Variants in SAMD5 observed in about 807,000 individuals in gnomAD.
SAMD5 encodes sterile alpha motif domain-containing protein 5.
In SAMD5, 13 loss-of-function variants were observed where a neutral mutation model predicts 11.3. The ratio of observed to expected loss-of-function variants is 1.15; its 90% CI spans 0.75 to 1.83. The LOEUF (loss-of-function observed/expected upper bound fraction) is 1.83. SAMD5 is among the 40% of genes most tolerant of loss of function. The pLI, the probability that SAMD5 is intolerant of heterozygous loss-of-function variation, is 0.00. For synonymous variants in SAMD5, 129 were observed against 111.3 expected (o/e 1.16, Z -1.00); for missense variants, 255 against 239.1 (o/e 1.07, Z -0.44).
chr6:147,816,301 A>ATATATATATATAT, the SAMD5 span, among the ~76,000 whole-genome samples: 15 of 66,328 alleles, frequency 2.3e-4, no homozygotes, highest in African/African-American at 4.1e-4. Flanking sequence ...AAAAAAAAAA[A>ATATATATATATAT]ATATATATAT....
the SAMD5 span, among the ~76,000 whole-genome samples, chr6:147,762,395 C>A: frequency 6.6e-6 from 1 of 151,954 alleles, no homozygotes; most frequent in Non-Finnish European, 1.5e-5. Context: ...GACGGGGTGT[C>A]ACCATGTTGG....
the SAMD5 span, among the ~76,000 whole-genome samples, chr6:147,844,281 A>G: frequency 6.6e-6 from 1 of 152,342 alleles, no homozygotes; most frequent in East Asian, 1.9e-4. Context: ...TGCAAATTCA[A>G]ACCACAATTA....
intron 1 of SAMD5, among the ~76,000 whole-genome samples, chr6:147,655,604 C>T (rs1467770813): frequency 6.6e-6 from 1 of 152,054 alleles, no homozygotes; most frequent in African/African-American, 2.4e-5. Context: ...TTATAGGTGG[C>T]ACGACAAATG....
intron 1 of SAMD5, among the ~76,000 whole-genome samples, chr6:147,554,893 CA>C (rs1459367410): frequency 6.6e-6 from 1 of 152,124 alleles, no homozygotes; most frequent in Non-Finnish European, 1.5e-5. Context: ...AAGGCCCTTT[CA>C]GGGGGTCTGC....
At chr6:147,846,062 G>C in the SAMD5 span, among the ~76,000 whole-genome samples, 23 of 151,576 alleles carry the variant, frequency 1.5e-4, no homozygotes, top group African/African-American at 4.8e-4. Flanking sequence ...ATGAATGATC[G>C]ATACACACCA....
At chr6:147,640,606 A>C (rs560130168) in intron 1 of SAMD5, among the ~76,000 whole-genome samples, 1 of 152,138 alleles carries the variant, frequency 6.6e-6, no homozygotes, top group South Asian at 2.1e-4. Context: ...TTAATGCTAA[A>C]GTTTTTCTCA....
chr6:147,862,439 C>G, the SAMD5 span, among the ~76,000 whole-genome samples: 1 of 152,142 alleles, frequency 6.6e-6, no homozygotes, highest in Non-Finnish European at 1.5e-5. Context: ...CTTGAGGGTT[C>G]TAAAACTGCG....
chr6:147,859,720 G>A, the SAMD5 span, among the ~76,000 whole-genome samples: 3 of 152,048 alleles, frequency 2.0e-5, no homozygotes, highest in South Asian at 2.1e-4. Context: ...ACCTAATGAA[G>A]CGTACAGTTC....
At chr6:147,512,420 A>G (rs1459951318) in intron 1 of SAMD5, among the ~76,000 whole-genome samples, 2 of 152,186 alleles carry the variant, frequency 1.3e-5, no homozygotes. Flanking sequence ...AGATAGGGAG[A>G]GTGAGTCTCT....
At position 147,632,962 on chromosome 6, in the gene SAMD5, T is replaced by G. The variant is rs1790173026; in HGVS notation, c.163-104355T>G. Among the ~76,000 whole-genome samples the G allele has an allele frequency of 4.0e-5, 6 of 151,586 alleles. No individual in the cohort carries two copies. The South Asian group carries it at 1.2e-3, about 32-fold the overall frequency. On this transcript the variant is annotated intron_variant, in intron 1 of 1. Coordinates refer to the SAMD5 transcript ENST00000566741. ...CTTCTTAACCTCCTTCCTTTCTTCC[T>G]TCCTTATTAAGCACCTTTGATGCCA...
At chr6:147,534,442 C>T (rs184948478) in intron 1 of SAMD5, among the ~76,000 whole-genome samples, 2 of 152,148 alleles carry the variant, frequency 1.3e-5, no homozygotes, top group African/African-American at 2.4e-5. Flanking sequence ...TAGACAGAGC[C>T]GATTCATCAA....
the SAMD5 span, among the ~76,000 whole-genome samples, chr6:147,742,677 C>T: frequency 2.0e-5 from 3 of 152,234 alleles, no homozygotes; most frequent in South Asian, 2.1e-4. Flanking sequence ...TAAGAACTAA[C>T]GAAGTTGGAC....
chr6:147,596,568 A>G (rs1264555078), intron 1 of SAMD5, among the ~76,000 whole-genome samples: 1 of 152,192 alleles, frequency 6.6e-6, no homozygotes, highest in Non-Finnish European at 1.5e-5. Context: ...TGTCATGTTA[A>G]TAATTCAATT....
the SAMD5 span, among the ~76,000 whole-genome samples, chr6:147,827,155 G>A: frequency 6.6e-6 from 1 of 152,202 alleles, no homozygotes; most frequent in Non-Finnish European, 1.5e-5. Context: ...TTAGCTCGGA[G>A]TGCAAATAGA....
intron 1 of SAMD5, among the ~76,000 whole-genome samples, chr6:147,518,039 A>G (rs532364): frequency 0.47 from 71,648 of 151,970 alleles, 19,658 homozygotes; most frequent in African/African-American, 0.77. Flanking sequence ...TCAATTCCCC[A>G]TGTATTTGCA....
At chr6:147,879,847 AC>A in the SAMD5 span, among the ~76,000 whole-genome samples, 15 of 152,284 alleles carry the variant, frequency 9.9e-5, no homozygotes, top group African/African-American at 3.4e-4. Flanking sequence ...GCTTGTTCTA[AC>A]CCGTGGCATT....
the SAMD5 span, among the ~76,000 whole-genome samples, chr6:147,742,962 G>A: frequency 1.3e-5 from 2 of 152,178 alleles, no homozygotes; most frequent in African/African-American, 4.8e-5. Flanking sequence ...ATCTTAAAAT[G>A]TGGAGGTACA....
At chr6:147,843,943 TTGAATA>T in the SAMD5 span, among the ~76,000 whole-genome samples, 2 of 152,300 alleles carry the variant, frequency 1.3e-5, no homozygotes, top group East Asian at 3.9e-4. Context: ...CAGTGATTTC[TTGAATA>T]TGACCCCAAA....
the SAMD5 span, among the ~76,000 whole-genome samples, chr6:147,793,908 A>G: frequency 5.9e-5 from 9 of 152,228 alleles, no homozygotes; most frequent in African/African-American, 1.9e-4. Flanking sequence ...TTGCCTTTCC[A>G]TATAAATTTT....
Sources: gnomAD v4.1 joint callset for allele counts (sites outside exome capture counted in the v4.1 genomes callset) on GRCh38, gnomAD v4.1.1 for gene constraint, MANE v1.5 for transcripts, NCBI Gene and HGNC (gene_info 2026-07-23, HGNC 2026-07-21) for gene names.